The following GABRB3 variants were observed in gnomAD, a reference collection of about 807,000 sequenced individuals.
GABRB3 encodes gamma-aminobutyric acid receptor subunit beta-3.
GABRB3 carries 14 observed loss-of-function variants against 52.1 expected under a neutral mutation model. The observed-to-expected ratio is 0.27, with a 90% CI of 0.18 to 0.42. GABRB3 has a LOEUF of 0.42. GABRB3 is among the 10% of genes least tolerant of loss of function. The pLI, the probability that GABRB3 is intolerant of heterozygous loss-of-function variation, is 1.00. For missense variants in GABRB3, 307 were observed against 609.1 expected (o/e 0.50, Z 5.22); for synonymous variants, 260 against 232.3 (o/e 1.12, Z -1.08).
chr15:26,629,496 G>A (rs1302720753), intron 3 of GABRB3, among the ~76,000 whole-genome samples: 1 of 152,326 alleles, frequency 6.6e-6, no homozygotes, highest in South Asian at 2.1e-4. Flanking sequence ...TAGACCGAAT[G>A]TGTTGGCAGG....
intron 3 of GABRB3, among the ~76,000 whole-genome samples, chr15:26,767,635 A>G (rs2140192574): frequency 6.6e-6 from 1 of 152,194 alleles, no homozygotes; most frequent in African/African-American, 2.4e-5. Context: ...CACTACATGG[A>G]CCCCTGGGAT....
chr15:26,550,225 G>A (rs1297414315), intron 8 of GABRB3: 3 of 152,176 alleles, frequency 2.0e-5, no homozygotes, highest in Non-Finnish European at 4.4e-5. Flanking sequence ...CACCCTTGAT[G>A]GAAAGGCTGT....
At chr15:26,758,213 A>G (rs948259083) in intron 3 of GABRB3, among the ~76,000 whole-genome samples, 5 of 152,156 alleles carry the variant, frequency 3.3e-5, no homozygotes. Context: ...GACGGTTCCT[A>G]TTAATATGGC....
intron 3 of GABRB3, among the ~76,000 whole-genome samples, chr15:26,663,094 A>G (rs1887599767): frequency 1.3e-5 from 2 of 152,034 alleles, no homozygotes; most frequent in Admixed American, 1.3e-4. Context: ...GTTCTGTGCA[A>G]TCTCATCACA....
At chr15:26,748,191 C>T (rs1455813616) in intron 3 of GABRB3, among the ~76,000 whole-genome samples, 1 of 152,076 alleles carries the variant, frequency 6.6e-6, no homozygotes, top group African/African-American at 2.4e-5. Context: ...CTTTAGTACA[C>T]TGTCTTTCTT....
intron 3 of GABRB3, among the ~76,000 whole-genome samples, chr15:26,691,177 C>A (rs887391582): frequency 7.2e-5 from 11 of 152,068 alleles, no homozygotes; most frequent in African/African-American, 2.7e-4. Context: ...GTTTTCATTT[C>A]TATCTTCTCA....
chr15:26,590,564 C>G (rs74544206), intron 4 of GABRB3, among the ~76,000 whole-genome samples: 2,434 of 152,274 alleles, frequency 0.016, 63 homozygotes, highest in African/African-American at 0.056. Flanking sequence ...TAATTCAGAC[C>G]AAGCATTTTC....
At chr15:26,661,991 G>A (rs763773479) in intron 3 of GABRB3, among the ~76,000 whole-genome samples, 5 of 152,216 alleles carry the variant, frequency 3.3e-5, no homozygotes, top group Admixed American at 1.3e-4. Flanking sequence ...AAACGCAGCC[G>A]AGATAGTCAA....
intron 6 of GABRB3, among the ~76,000 whole-genome samples, chr15:26,571,830 G>A (rs555730149): frequency 1.3e-5 from 2 of 152,076 alleles, no homozygotes; most frequent in Admixed American, 6.5e-5. Flanking sequence ...CAGGTGAATC[G>A]CGAGGTCAAG....
At chr15:26,682,813 TCTGTTCAGGG>T (rs1048378844) in intron 3 of GABRB3, among the ~76,000 whole-genome samples, 3 of 152,162 alleles carry the variant, frequency 2.0e-5, no homozygotes, top group Admixed American at 6.5e-5. Context: ...GCACTGCCCC[TCTGTTCAGGG>T]CCATCACTAC....
chr15:26,697,443 T>C (rs1888776956), intron 3 of GABRB3, among the ~76,000 whole-genome samples: 1 of 152,102 alleles, frequency 6.6e-6, no homozygotes, highest in Non-Finnish European at 1.5e-5. Context: ...AATGTCTCAA[T>C]CCCTGACCAC....
intron 3 of GABRB3, among the ~76,000 whole-genome samples, chr15:26,664,156 C>T (rs531620777): frequency 6.6e-6 from 1 of 152,344 alleles, no homozygotes; most frequent in East Asian, 1.9e-4. Context: ...GCGACCCTCA[C>T]CTCAGCCTCC....
chr15:26,761,665 T>C (rs369791024), intron 3 of GABRB3, among the ~76,000 whole-genome samples: 3 of 152,254 alleles, frequency 2.0e-5, no homozygotes, highest in East Asian at 3.9e-4. Flanking sequence ...GCACTGCCTG[T>C]TTCCTCTGCT....
rs1216474154 is a variant in GABRB3 at position 26,543,895 on chromosome 15, AC to A, written c.*3897del. 1 of 152,598 alleles carries A rather than the reference AC, an allele frequency of 6.6e-6. No homozygotes were observed. Among genetic ancestry groups the A allele is most frequent in the African/African-American group, 2.4e-5 (1 of 41,456 alleles). The allele number at this position is 152,598 out of a possible 1,614,324, so 9.5% of individuals were successfully genotyped here. A position where few individuals can be genotyped will look rare whatever the true frequency, so the allele number is the denominator to read the frequency against. ...GCCACTCTCTGGAAGGTCATTGTTTACCCAGGTGTTGGGAATTTAGTATTTC... is the reference window on the plus strand; with the variant it reads ...GCCACTCTCTGGAAGGTCATTGTTTACCAGGTGTTGGGAATTTAGTATTTC... On this transcript the variant is annotated 3_prime_UTR_variant, in exon 9 of 9. Coordinates refer to ENST00000311550, the MANE Select transcript of GABRB3 (RefSeq NM_000814.6).
At chr15:26,683,970 T>C (rs1888322102) in intron 3 of GABRB3, among the ~76,000 whole-genome samples, 1 of 152,124 alleles carries the variant, frequency 6.6e-6, no homozygotes, top group South Asian at 2.1e-4. Context: ...TGCTGAGTTA[T>C]TATAAGGAAT....
chr15:26,706,828 A>G (rs1951555962), intron 3 of GABRB3, among the ~76,000 whole-genome samples: 1 of 152,204 alleles, frequency 6.6e-6, no homozygotes, highest in Admixed American at 6.5e-5. Context: ...GTACACAGAT[A>G]TTCTGCATGA....
chr15:26,771,517 C>T (rs1232738974), intron 3 of GABRB3, among the ~76,000 whole-genome samples: 1 of 152,228 alleles, frequency 6.6e-6, no homozygotes, highest in African/African-American at 2.4e-5. Context: ...AATGCTCCTT[C>T]CAGAGTGTCC....
At chr15:26,618,247 G>T (rs201775266) in intron 4 of GABRB3, among the ~76,000 whole-genome samples, 1 of 151,728 alleles carries the variant, frequency 6.6e-6, no homozygotes, top group Non-Finnish European at 1.5e-5. Context: ...GAGGCATCAC[G>T]CTACCTGACT....
chr15:26,573,821 G>A (rs1184709263), intron 6 of GABRB3, among the ~76,000 whole-genome samples: 2 of 152,154 alleles, frequency 1.3e-5, no homozygotes, highest in African/African-American at 4.8e-5. Flanking sequence ...AGGCCAGGGC[G>A]GGAGGATTGC....
Sources: allele counts gnomAD v4.1 joint callset (sites outside exome capture counted in the v4.1 genomes callset), GRCh38; gene constraint gnomAD v4.1.1; transcripts MANE v1.5; gene names NCBI Gene and HGNC (gene_info 2026-07-23, HGNC 2026-07-21).